The following TRIM6 variants were observed in gnomAD, a reference collection of about 807,000 sequenced individuals.
The protein encoded by TRIM6 is tripartite motif-containing protein 6.
TRIM6 carries 43 observed loss-of-function variants against 51.2 expected under a neutral mutation model. That is an observed-to-expected ratio of 0.84 (90% CI 0.66 to 1.08). The LOEUF is 1.08. TRIM6 is among the 50% of genes least tolerant of loss of function. The pLI is 0.00. For synonymous variants in TRIM6, 215 were observed against 232.4 expected, an observed-to-expected ratio of 0.93 and a Z score of 0.68; for missense variants, 669 against 619.0, an observed-to-expected ratio of 1.08 and a Z score of -0.86.
In TRIM6 at chr11:5,612,917, C is replaced by T. The variant is rs1848631220; in HGVS notation, c.*1575C>T. 1 of 152,154 alleles carries T rather than the reference C, an allele frequency of 6.6e-6. No homozygotes were observed. Among genetic ancestry groups the T allele is most frequent in the Non-Finnish European group, 1.5e-5 (1 of 68,034 alleles). 9.4% of individuals were successfully genotyped at this position (152,154 alleles called of 1,614,324 possible). A position where few individuals can be genotyped will look rare whatever the true frequency, so the allele number is the denominator to read the frequency against. On this transcript the variant is annotated 3_prime_UTR_variant, in exon 8 of 8. Coordinates refer to ENST00000380097, the MANE Select transcript of TRIM6 (RefSeq NM_001003818.3). ...GTGTATTGCAATGATAATATGTTGG[C>T]TCTATTGGATTAAATAAAGTATGTT... is the stretch of plus-strand genomic sequence containing the variant.
chr11:5,606,839 T>C (rs1848239546), intron 4 of TRIM6, among the ~76,000 whole-genome samples: 1 of 152,220 alleles, frequency 6.6e-6, no homozygotes, highest in Admixed American at 6.5e-5. Flanking sequence ...AAATAAACTT[T>C]CTGGAATTTT....
chr11:5,607,335 A>C (rs1382614438), intron 4 of TRIM6, among the ~76,000 whole-genome samples: 2 of 152,224 alleles, frequency 1.3e-5, no homozygotes, highest in Non-Finnish European at 2.9e-5. Context: ...CCACAATGTA[A>C]GATTGATACA....
At chr11:5,608,489 G>T in intron 5 of TRIM6, 95 bp downstream of exon 5, 1 of 1,568,846 alleles carries the variant, frequency 6.4e-7, no homozygotes, top group Non-Finnish European at 8.7e-7. Context: ...TCAGAGTGGG[G>T]AAGATTCAAG....
intron 1 of TRIM6, among the ~76,000 whole-genome samples, chr11:5,599,886 ATAGAGCCTCTATTGCCTC>A (rs1033702451): frequency 1.1e-4 from 16 of 152,168 alleles, no homozygotes; most frequent in Admixed American, 4.6e-4. Flanking sequence ...TGGAAGATAA[ATAGAGCCTCTATTGCCTC>A]TAGAGCCTCT....
chr11:5,598,124 G>A (rs992990461), intron 1 of TRIM6, among the ~76,000 whole-genome samples: 10 of 152,038 alleles, frequency 6.6e-5, no homozygotes, highest in Non-Finnish European at 8.8e-5. Context: ...GGCTCTTCTC[G>A]TCTGCACTCC....
intron 2 of TRIM6, 93 bp from the exon 3 acceptor site, chr11:5,604,441 A>G: frequency 3.6e-6 from 5 of 1,369,888 alleles, no homozygotes; most frequent in Non-Finnish European, 4.9e-6. Flanking sequence ...GCTTCTTTTG[A>G]GGTTAGCAGA....
At chr11:5,598,841 T>C (rs751141966) in intron 1 of TRIM6, among the ~76,000 whole-genome samples, 26 of 152,218 alleles carry the variant, frequency 1.7e-4, no homozygotes, top group Non-Finnish European at 3.4e-4. Context: ...ATTGTAAGCA[T>C]ACAGTTCTGT....
rs1356389788 is a variant in TRIM6, at chr11:5,612,416, A to C, written c.*1074A>C. 1.5e-5 allele frequency: 2 copies of C among 129,490 alleles called. No individual in the cohort carries two copies. Among genetic ancestry groups the C allele is most frequent in the Non-Finnish European group, 3.7e-5 (2 of 53,826 alleles). 8.0% of individuals were successfully genotyped at this position (129,490 alleles called of 1,614,324 possible). ...ATTTAAGAGTAGCAATAGAACAATAAAAAAAAATACGTCTTTCAAATTAAT... is the reference window on the plus strand; with the variant it reads ...ATTTAAGAGTAGCAATAGAACAATACAAAAAAATACGTCTTTCAAATTAAT... On this transcript the variant is annotated 3_prime_UTR_variant, in exon 8 of 8. Coordinates refer to ENST00000380097, the MANE Select transcript of TRIM6 (RefSeq NM_001003818.3).
rs1382109836 is a variant in TRIM6 at position 5,612,827 on chromosome 11, A to G, written c.*1485A>G. ...GAGATGTGCTCAATGTATAAAATATATACCAGATTTCAAATACCTACTTCA... is the reference window on the plus strand; with the variant it reads ...GAGATGTGCTCAATGTATAAAATATGTACCAGATTTCAAATACCTACTTCA... On this transcript the variant is annotated 3_prime_UTR_variant, in exon 8 of 8. Transcript: ENST00000380097. 1.3e-5 allele frequency: 2 copies of G among 152,366 alleles called. No individual in the cohort carries two copies. The highest frequency in any genetic ancestry group is 4.8e-5 in the African/African-American group (2 of 41,582). The allele number at this position is 152,366 out of a possible 1,614,324, so 9.4% of individuals were successfully genotyped here.
rs1848142515 is a variant in TRIM6, at chr11:5,605,322, T to TTTTCTG, written c.604-15_604-14insTTTCTG. On this transcript the variant is annotated splice_polypyrimidine_tract_variant and intron_variant, in intron 3 of 7. Coordinates refer to ENST00000380097, the MANE Select transcript of TRIM6 (RefSeq NM_001003818.3). ...TGACCGACTAGCAGCCTCTTTTTCT[T>TTTTCTG]CCCTGTTCCTGAAGAATCAGATGGA... The TTTTCTG allele has an allele frequency of 1.2e-6, 2 of 1,613,832 alleles. No individual in the cohort carries two copies. Among genetic ancestry groups the TTTTCTG allele is most frequent in the Non-Finnish European group, 1.7e-6 (2 of 1,179,950 alleles).
At position 5,608,435 on chromosome 11, in the gene TRIM6, C is replaced by G. The variant is rs1848355851; in HGVS notation, c.857+41C>G. On this transcript the variant is annotated intron_variant, in intron 5 of 7. Transcript: ENST00000380097. ...ACATGAGGTAGTTCCCCTGGACTGA[C>G]AAATGATTCCTTTACCCATGATCAG... The G allele has an allele frequency of 1.9e-6, 3 of 1,610,418 alleles. No individual in the cohort carries two copies. In the East Asian group the frequency reaches 6.7e-5, roughly 36 times the overall value.
chr11:5,601,947 G>C (rs1487874062), intron 1 of TRIM6, among the ~76,000 whole-genome samples: 1 of 152,080 alleles, frequency 6.6e-6, no homozygotes, highest in Non-Finnish European at 1.5e-5. Flanking sequence ...AGGTGAAAGA[G>C]CTCATGGAAA....
intron 6 of TRIM6, 44 bp downstream of exon 6, chr11:5,610,289 C>G: frequency 6.2e-7 from 1 of 1,612,424 alleles, no homozygotes. Flanking sequence ...AAATTACTGT[C>G]GTGGGAAGAA....
Position 5,604,599 on chromosome 11 carries a change from T to A in TRIM6, c.573T>A (p.Ala191=). The A allele has an allele frequency of 2.5e-6, 4 of 1,613,120 alleles. No homozygotes were observed. Among genetic ancestry groups the A allele is most frequent in the Non-Finnish European group, 3.4e-6 (4 of 1,179,638 alleles). The change falls in exon 3 of 8, where the codon GCT becomes GCA. Residue 191 remains alanine (A), a synonymous_variant. Transcript: ENST00000380097. The part of the protein sequence containing the change: ...NEEQEAEKLT[A]FIREKKTSWK... ...AGCAGGAAGCTGAGAAGCTAACAGC[T>A]TTTATCAGAGAGAAGAAAACATCCT... is the stretch of plus-strand genomic sequence containing the variant.
intron 1 of TRIM6, among the ~76,000 whole-genome samples, chr11:5,601,583 C>T (rs902604496): frequency 6.6e-6 from 1 of 152,074 alleles, no homozygotes; most frequent in Non-Finnish European, 1.5e-5. Flanking sequence ...CATGGTAAAA[C>T]CCTGTCTCTA....
At chr11:5,599,383 A>ATATTTATT (rs60859015) in intron 1 of TRIM6, among the ~76,000 whole-genome samples, 11,673 of 146,856 alleles carry the variant, frequency 0.079, 477 homozygotes, top group African/African-American at 0.091. Context: ...TACAATTATT[A>ATATTTATT]TATTTATTTA....
chr11:5,596,522 C>CTCCCCTT (rs1847460940), upstream of TRIM6: 1 of 29,220 alleles, frequency 3.4e-5, no homozygotes, highest in Non-Finnish European at 7.6e-5. Context: ...TTCTCCCCTT[C>CTCCCCTT]CCCCCTTCCC....
At position 5,596,777 on chromosome 11, in the gene TRIM6, A is replaced by T; in HGVS notation, c.-121A>T. 1 of 1,512,442 alleles carries T rather than the reference A, an allele frequency of 6.6e-7. No individual in the cohort carries two copies. The highest frequency in any genetic ancestry group is 9.1e-7 in the Non-Finnish European group (1 of 1,093,986). The allele number at this position is 1,512,442 out of a possible 1,614,324, so 93.7% of individuals were successfully genotyped here. A position where few individuals can be genotyped will look rare whatever the true frequency, so the allele number is the denominator to read the frequency against. On this transcript the variant is annotated 5_prime_UTR_variant, in exon 1 of 8. Coordinates refer to ENST00000380097, the MANE Select transcript of TRIM6 (RefSeq NM_001003818.3). ...GAGTCGTGCGTGGTTGAGTTTAGAT[A>T]AAAGCCGAGTGAGCGCGCTCTGTTC...
Position 5,605,442 on chromosome 11 carries a change from G to C in TRIM6, c.709G>C (p.Glu237Gln). The C allele has an allele frequency of 6.2e-7, 1 of 1,614,208 alleles. No individual in the cohort carries two copies. The highest frequency in any genetic ancestry group is 8.5e-7 in the Non-Finnish European group (1 of 1,180,042). Residue 237 changes from glutamate to glutamine, a missense_variant, in exon 4 of 8, where the codon GAG (glutamate) becomes CAG (glutamine). Physicochemically the swap from Glu to Gln is conservative, Grantham distance 29. Coordinates refer to ENST00000380097, the MANE Select transcript of TRIM6 (RefSeq NM_001003818.3). ...QRELKKLEQE[E>Q]KKGLRIIEEA... ...GGAGCTGAAAAAGCTGGAACAGGAA[G>C]AGAAGAAGGGGCTACGAATTATAGA... is the stretch of plus-strand genomic sequence containing the variant.
Sources: gnomAD v4.1 joint callset for allele counts (sites outside exome capture counted in the v4.1 genomes callset) on GRCh38, gnomAD v4.1.1 for gene constraint, MANE v1.5 for transcripts, NCBI Gene and HGNC (gene_info 2026-07-23, HGNC 2026-07-21) for gene names.